The following IMMP2L variants were observed in gnomAD, a reference collection of about 807,000 sequenced individuals.
IMMP2L encodes mitochondrial inner membrane protease subunit 2.
A neutral mutation model predicts 19.3 loss-of-function variants in IMMP2L; 18 were observed. The observed-to-expected ratio is 0.93, with a 90% confidence interval of 0.64 to 1.38. The LOEUF (loss-of-function observed/expected upper bound fraction) is 1.38. Among genes scored for constraint, IMMP2L ranks in the 40% most tolerant of loss-of-function variants. The probability of loss-of-function intolerance (pLI) is 0.00; values close to 1 mark genes in which losing one functional copy is unlikely to be tolerated. For synonymous variants in IMMP2L, 76 were observed against 73.0 expected (o/e 1.04, Z -0.21); for missense variants, 233 against 218.2 (o/e 1.07, Z -0.43).
intron 5 of IMMP2L, among the ~76,000 whole-genome samples, chr7:110,878,955 G>C (rs1314993940): frequency 3.9e-5 from 6 of 152,102 alleles, no homozygotes; most frequent in Non-Finnish European, 8.8e-5. Context: ...TTAATTTATA[G>C]TTAAATGTTA....
At chr7:111,214,328 CTTCTTTTTTTTTTTTT>C (rs1326055845) in intron 3 of IMMP2L, among the ~76,000 whole-genome samples, 2 of 85,110 alleles carry the variant, frequency 2.3e-5, no homozygotes, top group South Asian at 3.7e-4. Flanking sequence ...AGTAATTTTT[CTTCTTTTTTTTTTTTT>C]TTTTTTTTTT....
intron 4 of IMMP2L, among the ~76,000 whole-genome samples, chr7:110,908,350 A>G (rs1343078650): frequency 1.3e-5 from 2 of 152,180 alleles, no homozygotes; most frequent in Non-Finnish European, 2.9e-5. Flanking sequence ...CTCTTTGAAC[A>G]TCTTTCCTTT....
intron 5 of IMMP2L, among the ~76,000 whole-genome samples, chr7:110,766,707 G>A (rs992176989): frequency 6.6e-6 from 1 of 151,620 alleles, no homozygotes; most frequent in Non-Finnish European, 1.5e-5. Context: ...TTTTTGAATG[G>A]TTTCCTTTAT....
intron 4 of IMMP2L, among the ~76,000 whole-genome samples, chr7:110,913,572 A>G (rs1813281051): frequency 6.6e-6 from 1 of 152,214 alleles, no homozygotes; most frequent in South Asian, 2.1e-4. Context: ...GAAACTTCAA[A>G]AAGTTCATGG....
intron 3 of IMMP2L, among the ~76,000 whole-genome samples, chr7:111,066,128 G>A (rs549757754): frequency 5.2e-4 from 79 of 151,900 alleles, no homozygotes; most frequent in African/African-American, 1.6e-3. Context: ...ACAGGTGCAC[G>A]TCACCACGCC....
chr7:111,076,637 T>C (rs1443024110), intron 3 of IMMP2L, among the ~76,000 whole-genome samples: 1 of 152,152 alleles, frequency 6.6e-6, no homozygotes, highest in African/African-American at 2.4e-5. Context: ...GCATCTGTGG[T>C]TCAGAAAAGC....
intron 5 of IMMP2L, among the ~76,000 whole-genome samples, chr7:110,815,134 T>C (rs1046228532): frequency 6.6e-6 from 1 of 152,096 alleles, no homozygotes; most frequent in African/African-American, 2.4e-5. Context: ...TTTTGAGATA[T>C]GTCCAATCAA....
chr7:111,221,813 A>T (rs1051029684), intron 3 of IMMP2L, among the ~76,000 whole-genome samples: 4 of 152,016 alleles, frequency 2.6e-5, no homozygotes, highest in Admixed American at 2.0e-4. Context: ...ATGAAAAGAT[A>T]GTACAAGGTA....
intron 3 of IMMP2L, among the ~76,000 whole-genome samples, chr7:111,322,655 C>T (rs1824857216): frequency 6.6e-6 from 1 of 151,382 alleles, no homozygotes; most frequent in Admixed American, 6.6e-5. Context: ...TATACAAATA[C>T]ATTTAATAGT....
At chr7:110,821,008 T>A (rs1378695069) in intron 5 of IMMP2L, among the ~76,000 whole-genome samples, 1 of 152,090 alleles carries the variant, frequency 6.6e-6, no homozygotes, top group East Asian at 1.9e-4. Context: ...ATATCTAATA[T>A]ACACTGAGAC....
At chr7:111,210,712 A>T (rs1811217798) in intron 3 of IMMP2L, among the ~76,000 whole-genome samples, 1 of 152,194 alleles carries the variant, frequency 6.6e-6, no homozygotes, top group Non-Finnish European at 1.5e-5. Context: ...TATTCAAAAA[A>T]AACAAAAACT....
At position 110,666,138 on chromosome 7, in the gene IMMP2L, T is replaced by C. The variant is rs1791436480; in HGVS notation, c.409-2417A>G. ...GCCAGTGGGAGCTCTATGTGTCCTT[T>C]GGATACATCTCCATCAGTATTTTAG... On this transcript the variant is annotated intron_variant, in intron 5 of 5. Coordinates refer to ENST00000405709, the MANE Select transcript of IMMP2L (RefSeq NM_032549.4). Among the ~76,000 whole-genome samples the C allele has an allele frequency of 2.0e-5, 3 of 152,224 alleles. No homozygotes were observed. In the South Asian group the frequency reaches 6.2e-4, roughly 31 times the overall value.
chr7:111,463,743 T>C (rs1840356094), intron 3 of IMMP2L, among the ~76,000 whole-genome samples: 1 of 152,170 alleles, frequency 6.6e-6, no homozygotes, highest in Non-Finnish European at 1.5e-5. Flanking sequence ...ATGGTTGCAT[T>C]CTGCACTACC....
At chr7:111,343,858 C>G (rs896429513) in intron 3 of IMMP2L, among the ~76,000 whole-genome samples, 4 of 152,068 alleles carry the variant, frequency 2.6e-5, no homozygotes, top group Non-Finnish European at 4.4e-5. Context: ...AAGTGAGGAA[C>G]CTTCACCACC....
At chr7:110,953,855 C>A (rs1818090365) in intron 4 of IMMP2L, among the ~76,000 whole-genome samples, 1 of 152,074 alleles carries the variant, frequency 6.6e-6, no homozygotes, top group South Asian at 2.1e-4. Context: ...TTAATGATCG[C>A]CATTCTAAGT....
chr7:110,723,338 G>A (rs1479066548), intron 5 of IMMP2L, among the ~76,000 whole-genome samples: 1 of 152,182 alleles, frequency 6.6e-6, no homozygotes, highest in Non-Finnish European at 1.5e-5. Context: ...CCAGTTTGAT[G>A]CAAAATCCTG....
chr7:111,254,508 T>C (rs1030681498), intron 3 of IMMP2L, among the ~76,000 whole-genome samples: 2 of 152,146 alleles, frequency 1.3e-5, no homozygotes, highest in Non-Finnish European at 2.9e-5. Flanking sequence ...CCTAATATTG[T>C]ACTCAAAGTG....
intron 5 of IMMP2L, among the ~76,000 whole-genome samples, chr7:110,847,885 A>G (rs1805825544): frequency 6.6e-6 from 1 of 152,180 alleles, no homozygotes; most frequent in Non-Finnish European, 1.5e-5. Context: ...ATCTAGACAG[A>G]CTTTACACCC....
At chr7:111,117,337 A>G (rs1586385801) in intron 3 of IMMP2L, among the ~76,000 whole-genome samples, 1 of 152,128 alleles carries the variant, frequency 6.6e-6, no homozygotes, top group Non-Finnish European at 1.5e-5. Flanking sequence ...AAATTTCTAA[A>G]TTATAGAGAT....
Sources: gnomAD v4.1 joint callset for allele counts (sites outside exome capture counted in the v4.1 genomes callset) on GRCh38, gnomAD v4.1.1 for gene constraint, MANE v1.5 for transcripts, NCBI Gene and HGNC (gene_info 2026-07-23, HGNC 2026-07-21) for gene names.